The following FHIT variants were observed in gnomAD, a reference collection of about 807,000 sequenced individuals.
FHIT encodes fragile histidine triad diadenosine triphosphatase, also known as bis(5'-adenosyl)-triphosphatase.
In FHIT, 19 loss-of-function variants were observed where a neutral mutation model predicts 17.9. The ratio of observed to expected loss-of-function variants is 1.06; its 90% confidence interval spans 0.74 to 1.56. The LOEUF is 1.56. FHIT is among the 40% of genes most tolerant of loss of function. The pLI is 0.00. For missense variants in FHIT, 248 were observed against 189.2 expected (o/e 1.31, Z -1.82); for synonymous variants, 81 against 69.7 (o/e 1.16, Z -0.81).
intron 2 of FHIT, among the ~76,000 whole-genome samples, chr3:61,171,238 C>T (rs980944088): frequency 6.6e-6 from 1 of 152,034 alleles, no homozygotes; most frequent in African/African-American, 2.4e-5. Context: ...GATTTTTGGC[C>T]GCATGTATGT....
chr3:59,813,224 C>T (rs1009950263), intron 8 of FHIT, among the ~76,000 whole-genome samples: 5 of 152,130 alleles, frequency 3.3e-5, no homozygotes, highest in Non-Finnish European at 5.9e-5. Flanking sequence ...CATTTCATAA[C>T]ATCTAATTTG....
At chr3:60,093,462 G>A (rs1703812424) in intron 5 of FHIT, among the ~76,000 whole-genome samples, 1 of 152,046 alleles carries the variant, frequency 6.6e-6, no homozygotes, top group Non-Finnish European at 1.5e-5. Flanking sequence ...ATCAGCTATT[G>A]AGCAACCTCA....
chr3:60,857,585 T>C (rs1313690003), intron 3 of FHIT, among the ~76,000 whole-genome samples: 1 of 152,170 alleles, frequency 6.6e-6, no homozygotes. Context: ...ATGCAATAAA[T>C]GTTATAAAGA....
chr3:59,985,006 G>T (rs927610530), intron 7 of FHIT, among the ~76,000 whole-genome samples: 1 of 152,172 alleles, frequency 6.6e-6, no homozygotes, highest in Admixed American at 6.5e-5. Flanking sequence ...TCTCAGATAG[G>T]TATTGGAAAA....
At chr3:60,316,850 A>T (rs1408168447) in intron 5 of FHIT, among the ~76,000 whole-genome samples, 1 of 152,206 alleles carries the variant, frequency 6.6e-6, no homozygotes, top group African/African-American at 2.4e-5. Flanking sequence ...TTACTGATGG[A>T]TTATACACAG....
At position 61,099,269 on chromosome 3, in the gene FHIT, G is replaced by T. The variant is rs541291774; in HGVS notation, c.-163-57170C>A. 1.6e-4 allele frequency among the ~76,000 whole-genome samples: 25 copies of T among 152,272 alleles called. 1 individual carries two copies. The highest frequency in any genetic ancestry group is 5.1e-4 in the African/African-American group (21 of 41,566). On this transcript the variant is annotated intron_variant, in intron 2 of 9. Transcript: ENST00000492590. ...CTAACTTTGCATCCCAGGGATAAAG[G>T]TTACTTAATCACAGGGAGTAAGCTT...
rs59240631 is a variant in FHIT, at chr3:61,086,451, A to C, written c.-163-44352T>G. On this transcript the variant is annotated intron_variant, in intron 2 of 9. Coordinates refer to ENST00000492590, the MANE Select transcript of FHIT (RefSeq NM_002012.4). ...GTTTTTCTATATTGTTCAGTCTGCT[A>C]TTGCTTTGTTTAGGATTTTTGCATT... 2.0e-5 allele frequency among the ~76,000 whole-genome samples: 3 copies of C among 152,230 alleles called. No homozygotes were observed. In the East Asian group the frequency reaches 5.8e-4, roughly 29 times the overall value.
intron 4 of FHIT, among the ~76,000 whole-genome samples, chr3:60,683,439 G>T (rs2040795965): frequency 6.6e-6 from 1 of 152,100 alleles, no homozygotes; most frequent in Non-Finnish European, 1.5e-5. Flanking sequence ...ATCAAGGCAA[G>T]ACCCTCCACC....
At chr3:60,735,845 T>C (rs1199498698) in intron 4 of FHIT, among the ~76,000 whole-genome samples, 8 of 152,252 alleles carry the variant, frequency 5.3e-5, no homozygotes, top group Non-Finnish European at 1.2e-4. Context: ...CTTATTTTAT[T>C]ACTAGGTACT....
At chr3:59,986,724 T>TTATATAAA (rs1708958538) in intron 7 of FHIT, among the ~76,000 whole-genome samples, 2 of 21,320 alleles carry the variant, frequency 9.4e-5, no homozygotes, top group Non-Finnish European at 1.6e-4. Flanking sequence ...ATACATATAT[T>TTATATAAA]TATATAAATA....
At chr3:60,728,607 T>G (rs1365165219) in intron 4 of FHIT, among the ~76,000 whole-genome samples, 1 of 151,978 alleles carries the variant, frequency 6.6e-6, no homozygotes, top group Non-Finnish European at 1.5e-5. Flanking sequence ...AAAAAAATTG[T>G]TTATTGTTTA....
intron 5 of FHIT, among the ~76,000 whole-genome samples, chr3:60,092,316 T>C (rs915401394): frequency 3.9e-5 from 6 of 152,222 alleles, no homozygotes; most frequent in Admixed American, 6.5e-5. Context: ...AGTCTTTGTA[T>C]GACATGGCCT....
chr3:60,651,353 A>G (rs2039986128), intron 4 of FHIT, among the ~76,000 whole-genome samples: 1 of 152,132 alleles, frequency 6.6e-6, no homozygotes, highest in African/African-American at 2.4e-5. Context: ...AGTAAAACAT[A>G]TTTTCAAACC....
intron 4 of FHIT, among the ~76,000 whole-genome samples, chr3:60,570,277 G>C (rs2594255): frequency 0.91 from 138,659 of 152,204 alleles, 63,348 homozygotes; most frequent in East Asian, 1. Context: ...GTGGTGGTGA[G>C]AATAATCATA....
rs574460760 is a variant in FHIT at position 59,974,332 on chromosome 3, G to T, written c.279+37039C>A. Among the ~76,000 whole-genome samples the T allele has an allele frequency of 4.6e-5, 7 of 152,276 alleles. No individual in the cohort carries two copies. In the South Asian group the frequency reaches 1.4e-3, roughly 32 times the overall value. The stretch of plus-strand genomic sequence containing the variant: ...AAGTCCAGGAGTCTTATTTTCCAAA[G>T]TAAAAATGGTGAAATTTGTCTTTAA... On this transcript the variant is annotated intron_variant, in intron 7 of 9. Coordinates refer to ENST00000492590, the MANE Select transcript of FHIT (RefSeq NM_002012.4).
intron 7 of FHIT, among the ~76,000 whole-genome samples, chr3:59,924,334 A>G (rs1472295637): frequency 6.6e-6 from 1 of 151,494 alleles, no homozygotes; most frequent in Non-Finnish European, 1.5e-5. Flanking sequence ...CCTCCCATCC[A>G]TCCATCTTTC....
At chr3:60,032,231 G>A (rs1701030567) in intron 5 of FHIT, among the ~76,000 whole-genome samples, 1 of 152,098 alleles carries the variant, frequency 6.6e-6, no homozygotes, top group Non-Finnish European at 1.5e-5. Flanking sequence ...ATTATTGGGT[G>A]GGAGGGTTGC....
chr3:60,860,763 T>TATGTTCATATATATCAGATATATATGA (rs1553751911), intron 3 of FHIT, among the ~76,000 whole-genome samples: 2 of 3,232 alleles, frequency 6.2e-4, no homozygotes, highest in Non-Finnish European at 6.2e-4. Context: ...GTATATATGA[T>TATGTTCATATATATCAGATATATATGA]ACATATGTAT....
chr3:60,885,952 T>TC (rs1436957166), intron 3 of FHIT, among the ~76,000 whole-genome samples: 1 of 138,668 alleles, frequency 7.2e-6, no homozygotes, highest in Non-Finnish European at 1.6e-5. Flanking sequence ...CATATTTATT[T>TC]CCCCCTCTCC....
Sources: gnomAD v4.1 joint callset for allele counts (sites outside exome capture counted in the v4.1 genomes callset) on GRCh38, gnomAD v4.1.1 for gene constraint, MANE v1.5 for transcripts, NCBI Gene and HGNC (gene_info 2026-07-23, HGNC 2026-07-21) for gene names.